The following AGBL4 variants were observed in gnomAD, a reference collection of about 807,000 sequenced individuals.
AGBL4 encodes the protein AGBL carboxypeptidase 4.
Under a neutral mutation model 66.4 loss-of-function variants are expected in AGBL4, and 58 were observed. That is an observed-to-expected ratio of 0.87 (90% CI 0.71 to 1.09). The LOEUF is 1.09. AGBL4 is among the 50% of genes least tolerant of loss of function. The probability of loss-of-function intolerance (pLI) is 0.00; values close to 1 mark genes in which losing one functional copy is unlikely to be tolerated. For synonymous variants in AGBL4, 234 were observed against 222.9 expected, an observed-to-expected ratio of 1.05 and a Z score of -0.44; for missense variants, 579 against 631.0, an observed-to-expected ratio of 0.92 and a Z score of 0.88.
intron 4 of AGBL4, among the ~76,000 whole-genome samples, chr1:49,078,177 T>C (rs928280169): frequency 6.6e-5 from 10 of 152,038 alleles, no homozygotes; most frequent in Non-Finnish European, 1.0e-4. Context: ...AAAGGCCTTG[T>C]CTCAAGGGTC....
chr1:49,643,859 C>A (rs910234922), intron 3 of AGBL4, among the ~76,000 whole-genome samples: 2 of 151,528 alleles, frequency 1.3e-5, no homozygotes, highest in African/African-American at 4.8e-5. Flanking sequence ...AAAACTGTAA[C>A]ATATAAAAGT....
At chr1:49,987,983 T>C (rs1461574326) in intron 1 of AGBL4, among the ~76,000 whole-genome samples, 1 of 151,928 alleles carries the variant, frequency 6.6e-6, no homozygotes, top group Non-Finnish European at 1.5e-5. Flanking sequence ...TTCTTTTTTA[T>C]AATAAATCTT....
At chr1:49,626,230 T>C (rs1645460404) in intron 3 of AGBL4, among the ~76,000 whole-genome samples, 1 of 152,146 alleles carries the variant, frequency 6.6e-6, no homozygotes, top group Non-Finnish European at 1.5e-5. Flanking sequence ...ACTCTTCAGC[T>C]GTGCCTTTAG....
chr1:49,751,844 A>AT (rs199690878), intron 2 of AGBL4, among the ~76,000 whole-genome samples: 1,697 of 151,684 alleles, frequency 0.011, 27 homozygotes, highest in African/African-American at 0.039. Flanking sequence ...TTTCTTCTAG[A>AT]TTTTCTGGTT....
At chr1:49,151,668 C>G (rs916258854) in intron 4 of AGBL4, among the ~76,000 whole-genome samples, 1 of 151,466 alleles carries the variant, frequency 6.6e-6, no homozygotes, top group Non-Finnish European at 1.5e-5. Context: ...CGAAAAAAGA[C>G]AGAGAGAGGG....
At chr1:49,104,177 G>T (rs1346753321) in intron 4 of AGBL4, among the ~76,000 whole-genome samples, 1 of 152,004 alleles carries the variant, frequency 6.6e-6, no homozygotes, top group Non-Finnish European at 1.5e-5. Context: ...ACCTCAAATG[G>T]TTCCTCCTCT....
At chr1:49,645,336 A>T (rs1377421671) in intron 3 of AGBL4, among the ~76,000 whole-genome samples, 1 of 151,502 alleles carries the variant, frequency 6.6e-6, no homozygotes, top group Non-Finnish European at 1.5e-5. Context: ...ATAAAAAGAG[A>T]ATACATAAAT....
intron 4 of AGBL4, among the ~76,000 whole-genome samples, chr1:49,052,127 AC>A (rs1644228306): frequency 6.7e-6 from 1 of 149,806 alleles, no homozygotes; most frequent in Admixed American, 6.7e-5. Context: ...GGACACCCAC[AC>A]ACTGTGGCAG....
In AGBL4 at chr1:49,853,151, C is replaced by A. The variant is rs929055284; in HGVS notation, c.35-1633G>T. Among the ~76,000 whole-genome samples, 9 of 151,934 alleles carry A rather than the reference C, an allele frequency of 5.9e-5. No homozygotes were observed. In the East Asian group the frequency reaches 1.7e-3, roughly 29 times the overall value. ...CCTACTGTCTAGGGATAAAATGATA[C>A]GCAGGACCAGACACAGAAATGACCA... On this transcript the variant is annotated intron_variant, in intron 1 of 13. Transcript: ENST00000371839.
chr1:49,312,386 A>G (rs1471338753), intron 3 of AGBL4, among the ~76,000 whole-genome samples: 5 of 152,176 alleles, frequency 3.3e-5, no homozygotes, highest in Non-Finnish European at 2.9e-5. Flanking sequence ...ATCAGCCCCT[A>G]AAACTACAAG....
chr1:48,948,439 C>T (rs1656701630), intron 5 of AGBL4, among the ~76,000 whole-genome samples: 1 of 152,202 alleles, frequency 6.6e-6, no homozygotes, highest in African/African-American at 2.4e-5. Flanking sequence ...TTCACTGATT[C>T]ATCCACTTGC....
At chr1:49,695,617 A>C (rs373993546) in intron 3 of AGBL4, among the ~76,000 whole-genome samples, 1 of 152,094 alleles carries the variant, frequency 6.6e-6, no homozygotes, top group South Asian at 2.1e-4. Flanking sequence ...ATAGGAGAGT[A>C]AATAAAACCA....
chr1:49,015,961 A>G (rs1423891946), intron 5 of AGBL4, among the ~76,000 whole-genome samples: 1 of 152,192 alleles, frequency 6.6e-6, no homozygotes, highest in African/African-American at 2.4e-5. Context: ...TGAGTAAGTC[A>G]CATATGCCTT....
chr1:48,615,783 T>C (rs1454784382), intron 9 of AGBL4, among the ~76,000 whole-genome samples: 1 of 152,204 alleles, frequency 6.6e-6, no homozygotes, highest in Non-Finnish European at 1.5e-5. Context: ...GCTGCTATGA[T>C]AAAATACCTG....
intron 3 of AGBL4, among the ~76,000 whole-genome samples, chr1:49,335,663 C>T (rs1223534228): frequency 2.0e-5 from 3 of 151,946 alleles, no homozygotes; most frequent in African/African-American, 7.3e-5. Flanking sequence ...CTACAGGCAC[C>T]CGCCACCACA....
intron 2 of AGBL4, among the ~76,000 whole-genome samples, chr1:49,736,162 A>T (rs1393580442): frequency 1.3e-5 from 2 of 152,128 alleles, no homozygotes; most frequent in Non-Finnish European, 2.9e-5. Flanking sequence ...TTTGATGAAA[A>T]CATTAGTATA....
chr1:48,542,741 C>T (rs1644094368), intron 11 of AGBL4, among the ~76,000 whole-genome samples: 1 of 151,994 alleles, frequency 6.6e-6, no homozygotes, highest in Non-Finnish European at 1.5e-5. Flanking sequence ...GATATTAGCC[C>T]TTTGTCAGAT....
chr1:48,589,000 C>A (rs760861219), intron 10 of AGBL4, among the ~76,000 whole-genome samples: 1 of 152,116 alleles, frequency 6.6e-6, no homozygotes, highest in Non-Finnish European at 1.5e-5. Context: ...GGAAACTTCA[C>A]CCACATGAGG....
chr1:49,105,652 G>GACATAGTAGCTGTGTA (rs1254270484), intron 4 of AGBL4, among the ~76,000 whole-genome samples: 3 of 152,158 alleles, frequency 2.0e-5, no homozygotes, highest in Non-Finnish European at 4.4e-5. Flanking sequence ...GTAGCTGTGT[G>GACATAGTAGCTGTGTA]ACATAGTAGC....
Sources: allele counts gnomAD v4.1 joint callset (sites outside exome capture counted in the v4.1 genomes callset), GRCh38; gene constraint gnomAD v4.1.1; transcripts MANE v1.5; gene names NCBI Gene and HGNC (gene_info 2026-07-23, HGNC 2026-07-21).